Variants in RNF213 observed in about 807,000 individuals in gnomAD.
RNF213 encodes the protein E3 ubiquitin-protein ligase RNF213.
RNF213 carries 341 observed loss-of-function variants against 514.4 expected under a neutral mutation model. The observed-to-expected ratio is 0.66, with a 90% CI of 0.61 to 0.73. The LOEUF is 0.73. Among genes scored for constraint, RNF213 ranks in the 30% least tolerant of loss-of-function variants. The pLI is 0.00. For synonymous variants in RNF213, 2,655 were observed against 2,658.2 expected (o/e 1.00, Z 0.04); for missense variants, 5,767 against 6,615.6 (o/e 0.87, Z 4.45).
chr17:80,333,904 T>TC, intron 21 of RNF213: 2 of 587,564 alleles, frequency 3.4e-6, no homozygotes, highest in Non-Finnish European at 6.0e-6. Flanking sequence ...GAATCACAGT[T>TC]CATCTTGATC....
intron 11 of RNF213, among the ~76,000 whole-genome samples, chr17:80,302,901 C>G (rs2045229723): frequency 1.3e-5 from 2 of 152,154 alleles, no homozygotes; most frequent in Admixed American, 1.3e-4. Flanking sequence ...TATAATCTCT[C>G]TGAAATACTG....
intron 36 of RNF213, among the ~76,000 whole-genome samples, chr17:80,358,059 A>G (rs2078900007): frequency 6.6e-6 from 1 of 152,250 alleles, no homozygotes; most frequent in Non-Finnish European, 1.5e-5. Flanking sequence ...TATTAGATGT[A>G]GAATTAAGTT....
intron 17 of RNF213, chr17:80,319,978 T>TA: frequency 9.7e-7 from 1 of 1,034,218 alleles, no homozygotes; most frequent in South Asian, 3.6e-5. Flanking sequence ...AAGTGACTGA[T>TA]ACCTTTGATA....
Position 80,264,356 on chromosome 17 carries a change from G to T in RNF213, c.97+578G>T, listed in dbSNP as rs1033168135. ...CAGGACCTGTCCAGGCACCTCCCTGGCTCGGGAGGCCAGTGGAGAGACAGG... is the reference window on the plus strand; with the variant it reads ...CAGGACCTGTCCAGGCACCTCCCTGTCTCGGGAGGCCAGTGGAGAGACAGG... On this transcript the variant is annotated intron_variant, in intron 2 of 67. Transcript: ENST00000582970. This position sits in a 1 kb window ranked among gnomAD's most constrained non-coding sequence, Gnocchi z 5.0. 2.0e-5 allele frequency among the ~76,000 whole-genome samples: 3 copies of T among 152,122 alleles called. No individual in the cohort carries two copies. Among genetic ancestry groups the T allele is most frequent in the African/African-American group, 7.2e-5 (3 of 41,426 alleles).
intron 15 of RNF213, among the ~76,000 whole-genome samples, 172 bp downstream of exon 15, chr17:80,313,339 T>C (rs970883405): frequency 2.0e-4 from 30 of 152,230 alleles, no homozygotes; most frequent in Non-Finnish European, 4.3e-4. Context: ...AGGGTGGCTC[T>C]GAGGCAGACA....
chr17:80,354,115 C>G lies in RNF213; in HGVS notation c.10675C>G (p.Arg3559Gly). Residue 3559 changes from arginine to glycine, a missense_variant, in exon 35 of 68, where the codon CGG (arginine) becomes GGG (glycine). By Grantham distance (125) the Arg-to-Gly change is moderately radical. This residue lies in a region of RNF213 where 919 missense variants were observed against 1,121.0 expected (regional missense o/e 0.82). Coordinates refer to ENST00000582970, the MANE Select transcript of RNF213 (RefSeq NM_001256071.3). ...DQNESCTRNM[R>G]RVVLLLGLLN... The stretch of plus-strand genomic sequence containing the variant: ...GAACGAGAGCTGCACGCGCAATATG[C>G]GGAGGGTGGTGCTCCTCCTGGGCCT... The G allele has an allele frequency of 6.2e-7, 1 of 1,614,086 alleles. No homozygotes were observed. Among genetic ancestry groups the G allele is most frequent in the Non-Finnish European group, 8.5e-7 (1 of 1,180,016 alleles).
chr17:80,379,042 G>GGTGCATGCGTGCATGC (rs111829552), intron 54 of RNF213, among the ~76,000 whole-genome samples: 25 of 152,030 alleles, frequency 1.6e-4, no homozygotes, highest in Non-Finnish European at 2.2e-4. Flanking sequence ...AGGGCATGGT[G>GGTGCATGCGTGCATGC]GTGCATGCGT....
chr17:80,319,767 A>C, intron 17 of RNF213: 15 of 1,284,224 alleles, frequency 1.2e-5, no homozygotes, highest in Non-Finnish European at 1.5e-5. Context: ...GGCAAAGGGG[A>C]AGAGATTGTG....
intron 2 of RNF213, among the ~76,000 whole-genome samples, chr17:80,271,144 G>A (rs1326553562): frequency 4.0e-5 from 6 of 151,588 alleles, no homozygotes; most frequent in Admixed American, 3.3e-4. Context: ...GGAGGGGCAG[G>A]CTCAGAATCC....
rs148775294 is a variant in RNF213 at position 80,342,419 on chromosome 17, G to A, written c.5990-713G>A. ...CTGGGAAATGTGAAGGTTCAAGAGC[G>A]TATTCTTGAATCTGATGTTATGTTG... is the stretch of plus-strand genomic sequence containing the variant. On this transcript the variant is annotated intron_variant, in intron 26 of 67. Coordinates refer to ENST00000582970, the MANE Select transcript of RNF213 (RefSeq NM_001256071.3). Among the ~76,000 whole-genome samples the A allele has an allele frequency of 4.1e-3, 627 of 152,120 alleles. 6 individuals carry two copies. Among genetic ancestry groups the A allele is most frequent in the Non-Finnish European group, 5.1e-3 (350 of 68,014 alleles).
In RNF213 at chr17:80,353,605, C is replaced by T. The variant is rs1175542922; in HGVS notation, c.10517C>T (p.Ala3506Val). The change falls in exon 34 of 68, where the codon GCC becomes GTC. Residue 3506 changes from alanine (A) to valine (V), a missense_variant. Transcript: ENST00000582970. The surrounding 1 kb of genome is among the most constrained non-coding windows in gnomAD (Gnocchi z 5.0). ...GAGGTGGCAGAGGTGGCAGAGGAGG[C>T]CATGGAAACAGAAAGTTCTGAGAAG... The part of the protein sequence containing the change: ...SGEVAEVAEE[A>V]METESSEKVG... 3 of 1,614,064 alleles carry T rather than the reference C, an allele frequency of 1.9e-6. No individual in the cohort carries two copies. The highest frequency in any genetic ancestry group is 2.5e-6 in the Non-Finnish European group (3 of 1,180,004).
chr17:80,294,913 G>T lies in RNF213; in HGVS notation c.1665G>T (p.Gln555His). 1 of 1,614,168 alleles carries T rather than the reference G, an allele frequency of 6.2e-7. No individual in the cohort carries two copies. Among genetic ancestry groups the T allele is most frequent in the Non-Finnish European group, 8.5e-7 (1 of 1,180,034 alleles). Residue 555 changes from glutamine to histidine, a missense_variant, in exon 9 of 68, where the codon CAG (glutamine) becomes CAT (histidine). Around this residue, in one of 13 missense-constraint regions of RNF213, gnomAD observed 592 missense variants for 673.9 expected, o/e 0.88. Transcript: ENST00000582970. ...TCAACCTGAACAGCTTCTTCACCCA[G>T]TTCGAGCAGTTTTGCTTTGTCCTGC... Reference protein sequence around the residue: ...DTINLNSFFTQFEQFCFVLQQ... With the variant: ...DTINLNSFFTHFEQFCFVLQQ...
intron 8 of RNF213, among the ~76,000 whole-genome samples, chr17:80,292,555 C>T (rs772768133): frequency 9.9e-5 from 15 of 152,184 alleles, no homozygotes; most frequent in African/African-American, 2.9e-4. Context: ...TCCAGAGCCC[C>T]GTCTGCAGGC....
Position 80,263,891 on chromosome 17 carries a change from G to A in RNF213, c.97+113G>A. The A allele has an allele frequency of 3.8e-6, 3 of 795,886 alleles. No homozygotes were observed. In the Admixed American group the frequency reaches 6.2e-5, roughly 16 times the overall value. The allele number at this position is 795,886 out of a possible 1,614,324, so 49.3% of individuals were successfully genotyped here. ...CAGCAGGCAGCTCAGGTGGGGCCGA[G>A]GTCCTCTGTGGCTACTGAGGCTCTG... On this transcript the variant is annotated intron_variant, in intron 2 of 67. Transcript: ENST00000582970. The surrounding 1 kb of genome is among the most constrained non-coding windows in gnomAD (Gnocchi z 4.9).
intron 32 of RNF213, chr17:80,352,684 C>T (rs2078571114): frequency 1.6e-6 from 1 of 631,060 alleles, no homozygotes; most frequent in South Asian, 1.8e-5. Flanking sequence ...TCCATGCGTC[C>T]TTCCCACGCT....
chr17:80,290,786 C>T (rs566285591), intron 7 of RNF213, 58 bp downstream of exon 7: 1 of 1,597,544 alleles, frequency 6.3e-7, no homozygotes, highest in African/African-American at 1.3e-5. Context: ...GATGCCCAGC[C>T]TGTGACACGT....
intron 8 of RNF213, 96 bp downstream of exon 8, chr17:80,291,923 C>T: frequency 7.3e-7 from 1 of 1,371,064 alleles, no homozygotes; most frequent in Non-Finnish European, 1.0e-6. Flanking sequence ...ACAGACTTTG[C>T]CTGGGCAGTG....
At chr17:80,333,147 C>T (rs1184669787) in intron 21 of RNF213, among the ~76,000 whole-genome samples, 1 of 151,268 alleles carries the variant, frequency 6.6e-6, no homozygotes, top group Non-Finnish European at 1.5e-5. Flanking sequence ...CTCCCAGGTT[C>T]ACGCCATTCT....
chr17:80,353,011 C>T lies in RNF213; in HGVS notation c.10375C>T (p.Gln3459Ter). Residue 3459 changes from glutamine to a stop codon, truncating the protein, a stop_gained, in exon 33 of 68, where the codon CAG becomes TAG. Transcript: ENST00000582970. LOFTEE classifies it high-confidence loss of function. The surrounding 1 kb of genome is among the most constrained non-coding windows in gnomAD (Gnocchi z 5.0). ...CATGGTTTCTGATGTGACCAGGCTG[C>T]AGCATGTCACCATCAGCCAGCTGTT... Reference protein sequence around the residue: ...TLMVSDVTRLQHVTISQLFAP... With the variant: ...TLMVSDVTRL The T allele has an allele frequency of 6.2e-7, 1 of 1,613,730 alleles. No individual in the cohort carries two copies. Among genetic ancestry groups the T allele is most frequent in the Non-Finnish European group, 8.5e-7 (1 of 1,180,010 alleles).
Sources: gnomAD v4.1 joint callset for allele counts (sites outside exome capture counted in the v4.1 genomes callset) on GRCh38, gnomAD v4.1.1 for gene constraint, gnomAD v4.1.1 regional missense constraint, Gnocchi (gnomAD v3.1) non-coding constraint, MANE v1.5 for transcripts, NCBI Gene and HGNC (gene_info 2026-07-23, HGNC 2026-07-21) for gene names.